FAT4: variants seen among roughly 807,000 people sequenced by gnomAD.
The protein encoded by FAT4 is protocadherin Fat 4.
A neutral mutation model predicts 303.9 loss-of-function variants in FAT4; 84 were observed. The ratio of observed to expected loss-of-function variants is 0.28; its 90% CI spans 0.23 to 0.33. FAT4 has a LOEUF of 0.33. Ranked by LOEUF, FAT4 falls within the 10% of genes least tolerant of loss-of-function variation. The probability of loss-of-function intolerance (pLI) is 1.00; values close to 1 mark genes in which losing one functional copy is unlikely to be tolerated. For missense variants in FAT4, 6,005 were observed against 6,146.8 expected (o/e 0.98, Z 0.77); for synonymous variants, 2,307 against 2,298.8 (o/e 1.00, Z -0.10).
At chr4:125,406,361 G>T (rs1052374808) in intron 3 of FAT4, among the ~76,000 whole-genome samples, 1 of 152,036 alleles carries the variant, frequency 6.6e-6, no homozygotes, top group Admixed American at 6.6e-5. Flanking sequence ...CTGTATGTGT[G>T]TCTTTATGCC....
intron 14 of FAT4, 143 bp downstream of exon 14, chr4:125,477,477 A>G (rs1727070616): frequency 5.5e-6 from 4 of 730,416 alleles, no homozygotes; most frequent in South Asian, 3.4e-5. Context: ...TAAATACTAT[A>G]CCTTTGAAAT....
chr4:125,377,488 T>C (rs1342241145), intron 2 of FAT4, among the ~76,000 whole-genome samples: 1 of 152,084 alleles, frequency 6.6e-6, no homozygotes, highest in Admixed American at 6.6e-5. Flanking sequence ...CAAGTCAGTT[T>C]TGGTTTTGCT....
At position 125,319,865 on chromosome 4, in the gene FAT4, A is replaced by G. The variant is rs1448320210; in HGVS notation, c.3454A>G (p.Ser1152Gly). 5 of 1,614,072 alleles carry G rather than the reference A, an allele frequency of 3.1e-6. No homozygotes were observed. The African/African-American group carries it at 6.7e-5, about 22-fold the overall frequency. ...GCCAGATTTTGAGTTGCATGCCATCAGTGGGGAAATTACAAATACTCATCA... is the reference window on the plus strand; with the variant it reads ...GCCAGATTTTGAGTTGCATGCCATCGGTGGGGAAATTACAAATACTCATCA... ...VQPDFELHAI[S>G]GEITNTHQFD... Residue 1152 changes from serine to glycine, a missense_variant, in exon 2 of 18, where the codon AGT (serine) becomes GGT (glycine). Transcript: ENST00000394329.
In FAT4 at chr4:125,452,779, C is replaced by A. The variant is rs149607784; in HGVS notation, c.11769C>A (p.Ser3923Arg). 2 of 1,613,038 alleles carry A rather than the reference C, an allele frequency of 1.2e-6. No homozygotes were observed. Among genetic ancestry groups the A allele is most frequent in the African/African-American group, 1.3e-5 (1 of 74,900 alleles). Reference sequence around the variant, plus strand: ...CCATCTGCCAGAATTTTCCAGGAAGCTTCAACTGTGTTTGCAAAACTGGAT... The same window carrying A: ...CCATCTGCCAGAATTTTCCAGGAAGATTCAACTGTGTTTGCAAAACTGGAT... ...NGAICQNFPG[S>R]FNCVCKTGYT... The change falls in exon 10 of 18, where the codon AGC becomes AGA. Residue 3923 changes from serine (S) to arginine (R), a missense_variant. Physicochemically the swap from Ser to Arg is moderately radical, Grantham distance 110 (BLOSUM62 -1). Coordinates refer to ENST00000394329, the MANE Select transcript of FAT4 (RefSeq NM_001291303.3).
intron 11 of FAT4, among the ~76,000 whole-genome samples, chr4:125,468,255 C>T (rs982647205): frequency 6.6e-6 from 1 of 152,052 alleles, no homozygotes; most frequent in African/African-American, 2.4e-5. Flanking sequence ...TTTTGAGAAA[C>T]AAAACATACT....
intron 15 of FAT4, 44 bp downstream of exon 15, chr4:125,479,909 T>G: frequency 6.9e-7 from 1 of 1,455,048 alleles, no homozygotes; most frequent in Non-Finnish European, 9.2e-7. Flanking sequence ...TTAATAACTA[T>G]GAAAAGTAAA....
At chr4:125,430,315 G>T (rs1024166413) in intron 7 of FAT4, among the ~76,000 whole-genome samples, 4 of 152,114 alleles carry the variant, frequency 2.6e-5, no homozygotes, top group South Asian at 2.1e-4. Context: ...GTGAAAATAA[G>T]ATTCACTTGA....
At chr4:125,444,950 T>C (rs1445721820) in intron 8 of FAT4, among the ~76,000 whole-genome samples, 4 of 152,148 alleles carry the variant, frequency 2.6e-5, no homozygotes, top group Non-Finnish European at 5.9e-5. Context: ...TAAGAATTCA[T>C]GTATAAAACT....
At chr4:125,456,492 G>GA (rs914449245) in intron 10 of FAT4, among the ~76,000 whole-genome samples, 1 of 148,908 alleles carries the variant, frequency 6.7e-6, no homozygotes, top group African/African-American at 2.5e-5. Flanking sequence ...AATTCTGTAT[G>GA]AAAAAAACCA....
At chr4:125,433,747 C>T (rs918758360) in intron 7 of FAT4, among the ~76,000 whole-genome samples, 3 of 152,094 alleles carry the variant, frequency 2.0e-5, no homozygotes, top group Non-Finnish European at 4.4e-5. Flanking sequence ...TTGTTTCCCA[C>T]AGACAGTATG....
At chr4:125,390,824 A>T (rs1733949284) in intron 2 of FAT4, among the ~76,000 whole-genome samples, 1 of 152,176 alleles carries the variant, frequency 6.6e-6, no homozygotes, top group Admixed American at 6.6e-5. Flanking sequence ...TCTGAACAAA[A>T]CATATTAAGG....
chr4:125,368,512 TTA>T (rs1258706265), intron 2 of FAT4, among the ~76,000 whole-genome samples: 6 of 132,870 alleles, frequency 4.5e-5, no homozygotes, highest in African/African-American at 1.3e-4. Flanking sequence ...TATGTATATA[TTA>T]TATATATGTA....
intron 4 of FAT4, among the ~76,000 whole-genome samples, chr4:125,407,862 A>G (rs1734682576): frequency 6.6e-6 from 1 of 152,058 alleles, no homozygotes; most frequent in Non-Finnish European, 1.5e-5. Context: ...TTACATTTGG[A>G]ATGATTATTC....
chr4:125,418,860 T>C (rs1735171652), intron 7 of FAT4, among the ~76,000 whole-genome samples: 1 of 149,898 alleles, frequency 6.7e-6, no homozygotes, highest in African/African-American at 2.5e-5. Flanking sequence ...AAGTAGCCTT[T>C]CTTACAAGAG....
rs1226140861 is a variant in FAT4 at position 125,451,590 on chromosome 4, C to A, written c.10580C>A (p.Thr3527Asn). The change falls in exon 10 of 18, where the codon ACT becomes AAT. Residue 3527 changes from threonine (T) to asparagine (N), a missense_variant. By Grantham distance (65) the Thr-to-Asn change is moderately conservative. Transcript: ENST00000394329. ...GTCATGGAAAACAAACGGCCAGGCA[C>A]TTTGGTGATGACCCTTCAGTCCACT... ...GEVMENKRPG[T>N]LVMTLQSTDP... is the part of the protein sequence containing the mutation. 5 of 1,614,016 alleles carry A rather than the reference C, an allele frequency of 3.1e-6. No individual in the cohort carries two copies. In the East Asian group the frequency reaches 1.1e-4, roughly 36 times the overall value.
At chr4:125,357,865 A>G (rs775120186) in intron 2 of FAT4, among the ~76,000 whole-genome samples, 9 of 152,232 alleles carry the variant, frequency 5.9e-5, no homozygotes, top group Admixed American at 5.2e-4. Context: ...GTCAATTCCA[A>G]CAGATTAATG....
At chr4:125,348,427 T>A (rs928428148) in intron 2 of FAT4, among the ~76,000 whole-genome samples, 2 of 151,676 alleles carry the variant, frequency 1.3e-5, no homozygotes, top group Admixed American at 1.3e-4. Flanking sequence ...ATCTCATGTG[T>A]CCTGCTCATC....
Position 125,320,024 on chromosome 4 carries a change from G to C in FAT4, c.3613G>C (p.Asp1205His). Reference sequence around the variant, plus strand: ...ACATGTTTACATGAAGGATATAAATGATAATGCTCCCAAATTTTTAAAAGA... The same window carrying C: ...ACATGTTTACATGAAGGATATAAATCATAATGCTCCCAAATTTTTAAAAGA... Reference protein sequence around the residue: ...TVHVYMKDINDNAPKFLKDFY... With the variant: ...TVHVYMKDINHNAPKFLKDFY... Residue 1205 changes from aspartate to histidine, a missense_variant, in exon 2 of 18, where the codon GAT (aspartate) becomes CAT (histidine). Coordinates refer to ENST00000394329, the MANE Select transcript of FAT4 (RefSeq NM_001291303.3). 2 of 1,613,150 alleles carry C rather than the reference G, an allele frequency of 1.2e-6. No homozygotes were observed. The highest frequency in any genetic ancestry group is 1.7e-6 in the Non-Finnish European group (2 of 1,180,022).
In FAT4 at chr4:125,317,004, C is replaced by T. The variant is rs1210740640; in HGVS notation, c.593C>T (p.Ala198Val). ...DITLNPSGEG[A>V]FLHLVSKGGL... ...ACCCTGAACCCGAGCGGCGAGGGAG[C>T]GTTCCTGCATCTGGTGTCCAAGGGC... The change falls in exon 2 of 18, where the codon GCG becomes GTG. Residue 198 changes from alanine (A) to valine (V), a missense_variant. Coordinates refer to ENST00000394329, the MANE Select transcript of FAT4 (RefSeq NM_001291303.3). This position sits in a 1 kb window ranked among gnomAD's most constrained non-coding sequence, Gnocchi z 7.0. The T allele has an allele frequency of 5.6e-6, 9 of 1,614,038 alleles. No homozygotes were observed. Among genetic ancestry groups the T allele is most frequent in the Admixed American group, 1.7e-5 (1 of 60,028 alleles).
Sources: gnomAD v4.1 joint callset for allele counts (sites outside exome capture counted in the v4.1 genomes callset) on GRCh38, gnomAD v4.1.1 for gene constraint, Gnocchi (gnomAD v3.1) non-coding constraint, MANE v1.5 for transcripts, NCBI Gene and HGNC (gene_info 2026-07-23, HGNC 2026-07-21) for gene names.